The following GGTLC1 variants were observed in gnomAD, a reference collection of about 807,000 sequenced individuals.
The protein encoded by GGTLC1 is glutathione hydrolase light chain 1.
Under a neutral mutation model 19.5 loss-of-function variants are expected in GGTLC1, and 14 were observed. The ratio of observed to expected loss-of-function variants is 0.72; its 90% confidence interval spans 0.47 to 1.12. The LOEUF (loss-of-function observed/expected upper bound fraction) is 1.12. Ranked by LOEUF, GGTLC1 falls within the 50% of genes most tolerant of loss-of-function variation. The probability of loss-of-function intolerance (pLI) is 0.00; values close to 1 mark genes in which losing one functional copy is unlikely to be tolerated. For missense variants in GGTLC1, 304 were observed against 309.2 expected (o/e 0.98, Z 0.13); for synonymous variants, 110 against 124.2 (o/e 0.89, Z 0.76).
At chr20:23,987,765 C>T (rs1420750367) in intron 1 of GGTLC1, among the ~76,000 whole-genome samples, 11 of 151,362 alleles carry the variant, frequency 7.3e-5, no homozygotes, top group Admixed American at 2.6e-4. Flanking sequence ...CGGTGGCTCA[C>T]GGCTGTAATC....
At chr20:23,986,015 C>A (rs1804661557) in intron 3 of GGTLC1, 41 bp from the exon 4 acceptor site, 1 of 1,612,102 alleles carries the variant, frequency 6.2e-7, no homozygotes, top group African/African-American at 1.3e-5. Flanking sequence ...CGTCAGCTGC[C>A]TGCCCAGGAC....
intron 1 of GGTLC1, among the ~76,000 whole-genome samples, chr20:23,988,360 T>A (rs1988071415): frequency 6.6e-6 from 1 of 151,198 alleles, no homozygotes; most frequent in African/African-American, 2.4e-5. Flanking sequence ...TTTTTTCTTT[T>A]TCTTTATTTG....
At position 23,985,277 on chromosome 20, in the gene GGTLC1, A is replaced by G. The variant is rs1462306871; in HGVS notation, c.617T>C (p.Met206Thr). The change falls in exon 6 of 6, where the codon ATG becomes ACG. Residue 206 changes from methionine (M) to threonine (T), a missense_variant. By Grantham distance (81) the Met-to-Thr change is moderately conservative. Transcript: ENST00000335694. ...CGAGGCAGCTGCCCAGCCACCAGCC[A>G]TGCGGACGATGGCTTGCACCACAGC... ...FIAVVQAIVR[M>T]AGGWAAASDS... 6.2e-7 allele frequency: 1 copy of G among 1,611,916 alleles called. No individual in the cohort carries two copies. Among genetic ancestry groups the G allele is most frequent in the African/African-American group, 1.3e-5 (1 of 74,864 alleles).
At chr20:23,986,309 T>C in intron 2 of GGTLC1, 106 bp from the exon 3 acceptor site, 1 of 1,606,242 alleles carries the variant, frequency 6.2e-7, no homozygotes, top group Non-Finnish European at 8.5e-7. Context: ...CAGGATAAGC[T>C]ACCAAGGTTG....
rs1188246746 is a variant in GGTLC1 at position 23,985,669 on chromosome 20, G to T, written c.529C>A (p.Gln177Lys). 6.2e-7 allele frequency: 1 copy of T among 1,611,872 alleles called. No individual in the cohort carries two copies. The highest frequency in any genetic ancestry group is 1.3e-5 in the African/African-American group (1 of 74,870). ...AGTTTCTCCAACCCCCAGCCCACCT[G>T]GTCAATGTTTCTCTCCACTGTCGTG... Reference protein sequence around the residue: ...NVTTVERNIDQEVTAALETRH... With the variant: ...NVTTVERNIDKEVTAALETRH... The change falls in exon 5 of 6, where the codon CAG (glutamine) becomes AAG (lysine). Residue 177 changes from glutamine to lysine, a missense_variant and splice_region_variant. By Grantham distance (53) the Gln-to-Lys change is moderately conservative. Transcript: ENST00000335694.
Position 23,986,590 on chromosome 20 carries a change from C to G in GGTLC1, c.22G>C (p.Ala8Pro). 6.2e-7 allele frequency: 1 copy of G among 1,602,082 alleles called. No individual in the cohort carries two copies. Among genetic ancestry groups the G allele is most frequent in the South Asian group, 1.1e-5 (1 of 90,810 alleles). The change falls in exon 2 of 6, where the codon GCC becomes CCC. Residue 8 changes from alanine (A) to proline (P), a missense_variant. By Grantham distance (27) the Ala-to-Pro change is conservative. Coordinates refer to ENST00000335694, the MANE Select transcript of GGTLC1 (RefSeq NM_178311.3). MTSEFFS[A>P]QLRAQISDDT... ...TCAGAGATCTGGGCCCGGAGCTGGGCAGAGAAGAACTCGGAGGTCATGTCG... is the reference window on the plus strand; with the variant it reads ...TCAGAGATCTGGGCCCGGAGCTGGGGAGAGAAGAACTCGGAGGTCATGTCG...
At chr20:23,988,502 C>T (rs1379739498) in intron 1 of GGTLC1, 107 bp downstream of exon 1, 19 of 449,018 alleles carry the variant, frequency 4.2e-5, no homozygotes, top group Non-Finnish European at 5.7e-5. Flanking sequence ...ATTGTGGGCA[C>T]CTGTTCCTCC....
At position 23,985,866 on chromosome 20, in the gene GGTLC1, G is replaced by A. The variant is rs1987858823; in HGVS notation, c.413C>T (p.Ala138Val). Reference protein sequence around the residue: ...AGGTQITMATALAIIYNLWFG... With the variant: ...AGGTQITMATVLAIIYNLWFG... ...GAGAAAAGGTGTGACACATACCAGT[G>A]CAGTGGCCATGGTGATCTGCGTGCC... The change falls in exon 4 of 6, where the codon GCA becomes GTA. Residue 138 changes from alanine (A) to valine (V), a missense_variant. Ala to Val is a moderately conservative substitution (Grantham distance 64). Transcript: ENST00000335694. 6.2e-7 allele frequency: 1 copy of A among 1,612,058 alleles called. No individual in the cohort carries two copies. The highest frequency in any genetic ancestry group is 1.1e-5 in the South Asian group (1 of 90,986).
In GGTLC1 at chr20:23,985,208, T is replaced by C. The variant is rs1202425436; in HGVS notation, c.*8A>G. ...GGATTGCTTGTCAGCCTTGTCCGCC[T>C]GGAGCAATCAGTAGCCAGCAGGTTC... On this transcript the variant is annotated 3_prime_UTR_variant, in exon 6 of 6. Coordinates refer to ENST00000335694, the MANE Select transcript of GGTLC1 (RefSeq NM_178311.3). 6.2e-7 allele frequency: 1 copy of C among 1,612,030 alleles called. No individual in the cohort carries two copies. The highest frequency in any genetic ancestry group is 8.5e-7 in the Non-Finnish European group (1 of 1,179,854).
intron 1 of GGTLC1, 69 bp from the exon 2 acceptor site, chr20:23,986,714 C>G: frequency 8.5e-6 from 13 of 1,530,252 alleles, no homozygotes; most frequent in Non-Finnish European, 1.1e-5. Flanking sequence ...GTGGCTCTGA[C>G]CACAACCCTC....
intron 5 of GGTLC1, 48 bp downstream of exon 5, chr20:23,985,619 G>T (rs377646215): frequency 1.9e-6 from 3 of 1,610,798 alleles, no homozygotes; most frequent in Admixed American, 1.7e-5. Flanking sequence ...AGCCCACGAT[G>T]CCCTGGGGCC....
chr20:23,985,204 C>G lies in GGTLC1; in HGVS notation c.*12G>C. ...TCCTGGATTGCTTGTCAGCCTTGTCCGCCTGGAGCAATCAGTAGCCAGCAG... is the reference window on the plus strand; with the variant it reads ...TCCTGGATTGCTTGTCAGCCTTGTCGGCCTGGAGCAATCAGTAGCCAGCAG... On this transcript the variant is annotated 3_prime_UTR_variant, in exon 6 of 6. Coordinates refer to ENST00000335694, the MANE Select transcript of GGTLC1 (RefSeq NM_178311.3). 6 of 1,612,030 alleles carry G rather than the reference C, an allele frequency of 3.7e-6. No homozygotes were observed. Among genetic ancestry groups the G allele is most frequent in the Admixed American group, 1.7e-5 (1 of 60,014 alleles).
chr20:23,986,606 G>T lies in GGTLC1; in HGVS notation c.6C>A (p.Thr2=), dbSNP rs1600495861. The T allele has an allele frequency of 6.2e-7, 1 of 1,603,240 alleles. No individual in the cohort carries two copies. Among genetic ancestry groups the T allele is most frequent in the African/African-American group, 1.3e-5 (1 of 74,408 alleles). The change falls in exon 2 of 6, where the codon ACC becomes ACA. Residue 2 remains threonine, a synonymous_variant. Coordinates refer to ENST00000335694, the MANE Select transcript of GGTLC1 (RefSeq NM_178311.3). The stretch of plus-strand genomic sequence containing the variant: ...GGAGCTGGGCAGAGAAGAACTCGGA[G>T]GTCATGTCGCGGACCACCTGCCGAG... M[T]SEFFSAQLRA...
chr20:23,985,651 C>T lies in GGTLC1; in HGVS notation c.531+16G>A, dbSNP rs767913403. The T allele has an allele frequency of 2.5e-6, 4 of 1,611,660 alleles. No individual in the cohort carries two copies. In the African/African-American group the frequency reaches 4.0e-5, roughly 16 times the overall value. On this transcript the variant is annotated intron_variant, in intron 5 of 5. Transcript: ENST00000335694. ...GGCCCCACACCGTGACTCAGTTTCT[C>T]CAACCCCCAGCCCACCTGGTCAATG...
Position 23,985,752 on chromosome 20 carries a change from T to C in GGTLC1, c.446A>G (p.Tyr149Cys), listed in dbSNP as rs757207974. The change falls in exon 5 of 6, where the codon TAT becomes TGT. Residue 149 changes from tyrosine to cysteine, a missense_variant. Physicochemically the swap from Tyr to Cys is radical, Grantham distance 194 (BLOSUM62 -2). Coordinates refer to ENST00000335694, the MANE Select transcript of GGTLC1 (RefSeq NM_178311.3). ...CTCCTCCACGGCCCACTTCACGTCATAGCCGAACCAGAGGTTGTAGATGAT... is the reference window on the plus strand; with the variant it reads ...CTCCTCCACGGCCCACTTCACGTCACAGCCGAACCAGAGGTTGTAGATGAT... Reference protein sequence around the residue: ...LAIIYNLWFGYDVKWAVEEPR... With the variant: ...LAIIYNLWFGCDVKWAVEEPR... 8 of 1,612,022 alleles carry C rather than the reference T, an allele frequency of 5.0e-6. No homozygotes were observed. Among genetic ancestry groups the C allele is most frequent in the Non-Finnish European group, 5.9e-6 (7 of 1,179,854 alleles).
chr20:23,985,629 C>A, intron 5 of GGTLC1, 38 bp downstream of exon 5: 5 of 1,611,264 alleles, frequency 3.1e-6, no homozygotes, highest in Non-Finnish European at 4.2e-6. Context: ...GCCCTGGGGC[C>A]CCACACCGTG....
chr20:23,986,774 G>C, intron 1 of GGTLC1, 129 bp from the exon 2 acceptor site: 1 of 1,409,272 alleles, frequency 7.1e-7, no homozygotes. Flanking sequence ...GCAGGCCCAG[G>C]ACCTTGCATG....
At chr20:23,988,392 T>C (rs1988073730) in intron 1 of GGTLC1, among the ~76,000 whole-genome samples, 1 of 151,938 alleles carries the variant, frequency 6.6e-6, no homozygotes, top group South Asian at 2.1e-4. Context: ...TTGCACTTGT[T>C]GCCCAGGCTG....
chr20:23,987,865 C>T (rs895645242), intron 1 of GGTLC1, among the ~76,000 whole-genome samples: 1 of 148,634 alleles, frequency 6.7e-6, no homozygotes, highest in Non-Finnish European at 1.5e-5. Flanking sequence ...CTGGCTAACA[C>T]AGTGAAACCC....
Sources: gnomAD v4.1 joint callset for allele counts (sites outside exome capture counted in the v4.1 genomes callset) on GRCh38, gnomAD v4.1.1 for gene constraint, MANE v1.5 for transcripts, NCBI Gene and HGNC (gene_info 2026-07-23, HGNC 2026-07-21) for gene names.